The following DENND2A variants were observed in gnomAD, a reference collection of about 807,000 sequenced individuals.
DENND2A encodes DENN domain-containing protein 2A.
Under a neutral mutation model 105.3 loss-of-function variants are expected in DENND2A, and 53 were observed. The ratio of observed to expected loss-of-function variants is 0.50; its 90% confidence interval spans 0.40 to 0.63. The LOEUF is 0.63. Ranked by LOEUF, DENND2A falls within the 30% of genes least tolerant of loss-of-function variation. The pLI is 0.00. For synonymous variants in DENND2A, 522 were observed against 508.4 expected, an observed-to-expected ratio of 1.03 and a Z score of -0.36; for missense variants, 1,138 against 1,279.6, an observed-to-expected ratio of 0.89 and a Z score of 1.69.
intron 1 of DENND2A, among the ~76,000 whole-genome samples, chr7:140,608,601 A>G (rs1478203291): frequency 6.6e-6 from 1 of 151,916 alleles, no homozygotes; most frequent in East Asian, 1.9e-4. Context: ...GCTTGAGCCC[A>G]GCAGATGGAG....
intron 1 of DENND2A, among the ~76,000 whole-genome samples, chr7:140,636,677 C>T (rs890230040): frequency 7.3e-5 from 11 of 150,354 alleles, no homozygotes; most frequent in South Asian, 2.1e-4. Flanking sequence ...GAATCTCCCT[C>T]CCCAGCCTTT....
At chr7:140,520,550 G>A (rs1440361539) in intron 18 of DENND2A, among the ~76,000 whole-genome samples, 1 of 151,622 alleles carries the variant, frequency 6.6e-6, no homozygotes, top group African/African-American at 2.4e-5. Context: ...CATGGACAGA[G>A]GGTTCTTTCC....
rs75640774 is a variant in DENND2A at position 140,585,817 on chromosome 7, C to T, written c.1124-107G>A. The T allele has an allele frequency of 4.3e-5, 66 of 1,520,524 alleles. No individual in the cohort carries two copies. The East Asian group carries it at 1.5e-3, about 35-fold the overall frequency. 94.2% of individuals were successfully genotyped at this position (1,520,524 alleles called of 1,614,324 possible). Reference sequence around the variant, plus strand: ...CCTCTCCTGTGTCCATTCTTGTAGGCATATCTGCTGTTTTGCCATCCATGC... The same window carrying T: ...CCTCTCCTGTGTCCATTCTTGTAGGTATATCTGCTGTTTTGCCATCCATGC... On this transcript the variant is annotated intron_variant, in intron 4 of 19. Transcript: ENST00000496613.
chr7:140,564,671 GA>G (rs1193164914), intron 9 of DENND2A, among the ~76,000 whole-genome samples: 2 of 151,996 alleles, frequency 1.3e-5, no homozygotes, highest in Non-Finnish European at 2.9e-5. Flanking sequence ...CTTTACTCTA[GA>G]AAAAAAATTT....
rs557935993 is a variant in DENND2A, at chr7:140,549,772, T to G, written c.2038-2833A>C. On this transcript the variant is annotated intron_variant, in intron 12 of 19. Transcript: ENST00000496613. ...TACCCAAAAGAATTGAAGCAGGGACTTGAATAGATATTTATTTGGACACCT... is the reference window on the plus strand; with the variant it reads ...TACCCAAAAGAATTGAAGCAGGGACGTGAATAGATATTTATTTGGACACCT... Among the ~76,000 whole-genome samples the G allele has an allele frequency of 1.2e-3, 186 of 152,314 alleles. 2 individuals are homozygous for G. Among genetic ancestry groups the G allele is most frequent in the Middle Eastern group, 6.8e-3 (2 of 294 alleles).
At chr7:140,610,935 C>T (rs1239891200) in intron 1 of DENND2A, among the ~76,000 whole-genome samples, 1 of 152,238 alleles carries the variant, frequency 6.6e-6, no homozygotes, top group African/African-American at 2.4e-5. Context: ...CTGGAAACAC[C>T]AGCCTGGTGA....
chr7:140,552,696 C>A (rs1013290046), intron 12 of DENND2A, among the ~76,000 whole-genome samples: 1 of 152,024 alleles, frequency 6.6e-6, no homozygotes, highest in Non-Finnish European at 1.5e-5. Flanking sequence ...CTGCGCCTGG[C>A]CTTCTTTTGT....
At chr7:140,550,982 G>T (rs1204643007) in intron 12 of DENND2A, among the ~76,000 whole-genome samples, 1 of 151,802 alleles carries the variant, frequency 6.6e-6, no homozygotes, top group Admixed American at 6.6e-5. Context: ...CACCTGAAAA[G>T]GCTGCTTAGG....
At chr7:140,587,560 G>A (rs1206273024) in intron 4 of DENND2A, 93 bp downstream of exon 4, 7 of 1,535,374 alleles carry the variant, frequency 4.6e-6, no homozygotes, top group African/African-American at 2.7e-5. Flanking sequence ...GTGTACATGT[G>A]TGTGCACGTG....
Position 140,614,872 on chromosome 7 carries a change from AT to A in DENND2A, c.-247-9067del, listed in dbSNP as rs954069717. The stretch of plus-strand genomic sequence containing the variant: ...CCTCATTTTCTTTAAACAAACAAAA[AT>A]TTTTTTTTGAGATAGGGTCTGTTGC... On this transcript the variant is annotated intron_variant, in intron 1 of 19. Transcript: ENST00000496613. Among the ~76,000 whole-genome samples the A allele has an allele frequency of 2.1e-3, 313 of 151,900 alleles. 1 individual carries two copies. Among genetic ancestry groups the A allele is most frequent in the African/African-American group, 7.1e-3 (296 of 41,478 alleles).
At chr7:140,575,209 A>G in intron 5 of DENND2A, among the ~76,000 whole-genome samples, 1 of 152,334 alleles carries the variant, frequency 6.6e-6, no homozygotes, top group Admixed American at 6.5e-5. Flanking sequence ...AAATACAATG[A>G]TTCTTAGATA....
At chr7:140,564,170 C>T (rs1245061637) in intron 9 of DENND2A, among the ~76,000 whole-genome samples, 2 of 151,940 alleles carry the variant, frequency 1.3e-5, no homozygotes, top group African/African-American at 4.8e-5. Context: ...GTAATCCCAG[C>T]TACTCGGGAG....
chr7:140,637,977 A>T (rs1350834084), intron 1 of DENND2A, among the ~76,000 whole-genome samples: 1 of 152,148 alleles, frequency 6.6e-6, no homozygotes, highest in African/African-American at 2.4e-5. Flanking sequence ...CAGTCCTCAC[A>T]GAAGTGCAGT....
chr7:140,603,787 A>C (rs1294135942), intron 2 of DENND2A, among the ~76,000 whole-genome samples: 1 of 152,218 alleles, frequency 6.6e-6, no homozygotes, highest in African/African-American at 2.4e-5. Context: ...TTCAAGCTTC[A>C]GTTCCTCAGT....
intron 1 of DENND2A, among the ~76,000 whole-genome samples, chr7:140,634,990 C>T (rs1459306585): frequency 1.3e-5 from 2 of 150,290 alleles, no homozygotes; most frequent in Non-Finnish European, 3.0e-5. Context: ...TGGCCAAGTG[C>T]AGTGGCTCAT....
At chr7:140,554,679 A>G (rs889745780) in intron 12 of DENND2A, among the ~76,000 whole-genome samples, 2 of 152,156 alleles carry the variant, frequency 1.3e-5, no homozygotes, top group Admixed American at 6.6e-5. Context: ...ATGTCTGGTT[A>G]ATACAGGAAA....
chr7:140,553,836 T>C (rs1005487872), intron 12 of DENND2A, among the ~76,000 whole-genome samples: 13 of 152,190 alleles, frequency 8.5e-5, no homozygotes, highest in Non-Finnish European at 1.8e-4. Flanking sequence ...TAACAGCATC[T>C]CAAGGCAGAA....
At chr7:140,551,930 A>G (rs1256556527) in intron 12 of DENND2A, among the ~76,000 whole-genome samples, 1 of 152,224 alleles carries the variant, frequency 6.6e-6, no homozygotes, top group East Asian at 1.9e-4. Context: ...GTCAGAAAAC[A>G]GACATGAAAA....
At chr7:140,625,642 A>G (rs1284307662) in intron 1 of DENND2A, among the ~76,000 whole-genome samples, 2 of 152,204 alleles carry the variant, frequency 1.3e-5, no homozygotes, top group Admixed American at 6.5e-5. Flanking sequence ...AGATCATGCC[A>G]TTGCACTCCA....
Sources: gnomAD v4.1 joint callset for allele counts (sites outside exome capture counted in the v4.1 genomes callset) on GRCh38, gnomAD v4.1.1 for gene constraint, MANE v1.5 for transcripts, NCBI Gene and HGNC (gene_info 2026-07-23, HGNC 2026-07-21) for gene names.